The following CNTLN variants were observed in gnomAD, a reference collection of about 807,000 sequenced individuals.
The protein encoded by CNTLN is centlein, centrosomal protein.
Under a neutral mutation model 180.0 loss-of-function variants are expected in CNTLN, and 212 were observed. The observed-to-expected ratio is 1.18, with a 90% CI of 1.05 to 1.32. The LOEUF is 1.32. Among genes scored for constraint, CNTLN ranks in the 40% most tolerant of loss-of-function variants. The probability of loss-of-function intolerance (pLI) is 0.00; values close to 1 mark genes in which losing one functional copy is unlikely to be tolerated. For synonymous variants in CNTLN, 722 were observed against 563.1 expected (o/e 1.28, Z -3.99); for missense variants, 2,095 against 1,610.9 (o/e 1.30, Z -5.14).
chr9:17,471,246 T>C (rs539718135), intron 23 of CNTLN, among the ~76,000 whole-genome samples: 8 of 151,996 alleles, frequency 5.3e-5, no homozygotes, highest in Non-Finnish European at 1.2e-4. Flanking sequence ...CCTCACAATG[T>C]AATCTTACTG....
At chr9:17,324,237 C>T (rs1199345160) in intron 8 of CNTLN, among the ~76,000 whole-genome samples, 1 of 152,042 alleles carries the variant, frequency 6.6e-6, no homozygotes, top group African/African-American at 2.4e-5. Context: ...AGATACACCA[C>T]AAAAAAGTTT....
At chr9:17,428,209 A>G (rs566179050) in intron 18 of CNTLN, among the ~76,000 whole-genome samples, 1 of 152,254 alleles carries the variant, frequency 6.6e-6, no homozygotes, top group East Asian at 1.9e-4. Flanking sequence ...GTCCTCTTGC[A>G]CTTTTCAACT....
chr9:17,414,473 C>T (rs1003302205), intron 16 of CNTLN, among the ~76,000 whole-genome samples: 13 of 151,774 alleles, frequency 8.6e-5, no homozygotes, highest in South Asian at 2.1e-4. Flanking sequence ...TTTTTTTTAA[C>T]AGTGCTCAGT....
chr9:17,396,393 T>C (rs1183544063), intron 15 of CNTLN, among the ~76,000 whole-genome samples: 11 of 151,886 alleles, frequency 7.2e-5, no homozygotes, highest in Non-Finnish European at 2.9e-5. Flanking sequence ...AGAACACCTC[T>C]TTTTTACATC....
At chr9:17,319,476 T>G (rs1458798599) in intron 8 of CNTLN, among the ~76,000 whole-genome samples, 1 of 152,192 alleles carries the variant, frequency 6.6e-6, no homozygotes, top group Admixed American at 6.5e-5. Context: ...ATCTGTAAAT[T>G]TGTAAATACT....
chr9:17,458,440 A>G (rs1588044000), intron 19 of CNTLN, among the ~76,000 whole-genome samples: 2 of 151,990 alleles, frequency 1.3e-5, no homozygotes, highest in Admixed American at 6.6e-5. Flanking sequence ...TAAAAAGAGC[A>G]GTATATATGG....
At position 17,294,999 on chromosome 9, in the gene CNTLN, G is replaced by A. The variant is rs917103004; in HGVS notation, c.984-3191G>A. 5.9e-5 allele frequency among the ~76,000 whole-genome samples: 9 copies of A among 151,670 alleles called. No individual in the cohort carries two copies. In the South Asian group the frequency reaches 8.3e-4, roughly 14 times the overall value. On this transcript the variant is annotated intron_variant, in intron 6 of 25. Transcript: ENST00000380647. Reference sequence around the variant, plus strand: ...CCGCACAGGGAGGCAGCTAAGGCCCGGTGAGAAATTGAGAGCAGCGCCGGT... The same window carrying A: ...CCGCACAGGGAGGCAGCTAAGGCCCAGTGAGAAATTGAGAGCAGCGCCGGT...
rs1056122959 is a variant in CNTLN, at chr9:17,332,490, T to G, written c.1519-115T>G. The G allele has an allele frequency of 1.6e-5, 15 of 924,824 alleles. 1 individual carries two copies. The highest frequency in any genetic ancestry group is 1.1e-4 in the African/African-American group (6 of 56,122). 57.3% of individuals were successfully genotyped at this position (924,824 alleles called of 1,614,324 possible). A position where few individuals can be genotyped will look rare whatever the true frequency, so the allele number is the denominator to read the frequency against. On this transcript the variant is annotated intron_variant, in intron 9 of 25. Transcript: ENST00000380647. Reference sequence around the variant, plus strand: ...TTCTCTGGTATTCCATGCAGGATTTTTTTTTTTTTTATAATTCATTATTAG... The same window carrying G: ...TTCTCTGGTATTCCATGCAGGATTTGTTTTTTTTTTATAATTCATTATTAG...
intron 2 of CNTLN, among the ~76,000 whole-genome samples, chr9:17,214,332 A>G (rs999420699): frequency 6.6e-6 from 1 of 152,230 alleles, no homozygotes; most frequent in African/African-American, 2.4e-5. Flanking sequence ...TTGGCTGGAT[A>G]TGAAATTCTG....
chr9:17,362,064 T>G (rs1823436553), intron 12 of CNTLN, among the ~76,000 whole-genome samples: 1 of 152,238 alleles, frequency 6.6e-6, no homozygotes, highest in Non-Finnish European at 1.5e-5. Context: ...AGGTGGTCCC[T>G]GATGTCTGTA....
the CNTLN span, among the ~76,000 whole-genome samples, chr9:17,519,193 G>T: frequency 6.6e-6 from 1 of 150,450 alleles, no homozygotes; most frequent in African/African-American, 2.4e-5. Flanking sequence ...CTCCCAAAGT[G>T]CTGGGATTAC....
intron 13 of CNTLN, among the ~76,000 whole-genome samples, chr9:17,367,888 G>C (rs1823964881): frequency 6.6e-6 from 1 of 151,394 alleles, no homozygotes; most frequent in Admixed American, 6.6e-5. Context: ...ACTCTGAGAT[G>C]TGCTGGATTC....
At chr9:17,429,656 A>G (rs2133973072) in intron 18 of CNTLN, among the ~76,000 whole-genome samples, 1 of 152,094 alleles carries the variant, frequency 6.6e-6, no homozygotes, top group South Asian at 2.1e-4. Context: ...CAGGAAAAAA[A>G]GAGACCGCGT....
At chr9:17,515,032 G>GT in the CNTLN span, among the ~76,000 whole-genome samples, 3 of 152,156 alleles carry the variant, frequency 2.0e-5, no homozygotes, top group Non-Finnish European at 2.9e-5. Context: ...ATGTTTTTAT[G>GT]TTTATTCCAT....
intron 2 of CNTLN, among the ~76,000 whole-genome samples, chr9:17,188,596 A>G (rs1038078710): frequency 6.6e-6 from 1 of 152,164 alleles, no homozygotes. Context: ...AGGCAATGGG[A>G]AGCAAATAAT....
At chr9:17,409,794 T>G (rs985103566) in intron 16 of CNTLN, among the ~76,000 whole-genome samples, 1 of 152,128 alleles carries the variant, frequency 6.6e-6, no homozygotes, top group African/African-American at 2.4e-5. Flanking sequence ...TATATTAGTC[T>G]TTGCAATGAT....
intron 15 of CNTLN, among the ~76,000 whole-genome samples, chr9:17,396,410 G>A (rs1294649959): frequency 6.6e-6 from 1 of 152,064 alleles, no homozygotes; most frequent in East Asian, 1.9e-4. Context: ...CATCTAGACA[G>A]TAGGGAAGTT....
intron 12 of CNTLN, among the ~76,000 whole-genome samples, chr9:17,359,027 CCT>C (rs1321809900): frequency 6.6e-6 from 1 of 151,906 alleles, no homozygotes; most frequent in Non-Finnish European, 1.5e-5. Context: ...CCTCCCCTCC[CCT>C]CTCTTTTTGA....
At chr9:17,193,255 A>G (rs1821906032) in intron 2 of CNTLN, among the ~76,000 whole-genome samples, 1 of 152,214 alleles carries the variant, frequency 6.6e-6, no homozygotes, top group East Asian at 1.9e-4. Flanking sequence ...TGCCTTCCCA[A>G]CAGTCCCCCA....
Sources: gnomAD v4.1 joint callset for allele counts (sites outside exome capture counted in the v4.1 genomes callset) on GRCh38, gnomAD v4.1.1 for gene constraint, MANE v1.5 for transcripts, NCBI Gene and HGNC (gene_info 2026-07-23, HGNC 2026-07-21) for gene names.